Variants in G3BP2 observed in about 807,000 individuals in gnomAD.
The protein encoded by G3BP2 is G3BP stress granule assembly factor 2.
Under a neutral mutation model 56.7 loss-of-function variants are expected in G3BP2, and 11 were observed. That is an observed-to-expected ratio of 0.19 (90% CI 0.12 to 0.32). The LOEUF is 0.32. Among genes scored for constraint, G3BP2 ranks in the 10% least tolerant of loss-of-function variants. The pLI is 1.00. For synonymous variants in G3BP2, 165 were observed against 191.6 expected (o/e 0.86, Z 1.15); for missense variants, 340 against 610.9 (o/e 0.56, Z 4.67).
rs1056642044 is a variant in G3BP2, at chr4:75,648,703, T to C, written c.864A>G (p.Pro288=). The C allele has an allele frequency of 5.0e-6, 8 of 1,608,616 alleles. No homozygotes were observed. The highest frequency in any genetic ancestry group is 6.8e-6 in the Non-Finnish European group (8 of 1,175,854). The change falls in exon 9 of 12, where the codon CCA becomes CCG. Residue 288 remains proline (P), a synonymous_variant. Coordinates refer to ENST00000359707, the MANE Select transcript of G3BP2 (RefSeq NM_203505.3). ...TAGGTCGTTGTTCACGCACACGAGG[T>C]GGCTGAGATTGAACTTCTGGTTTAG... ...VEAKPEVQSQ[P]PRVREQRPRE...
chr4:75,646,103 C>A, intron 11 of G3BP2, among the ~76,000 whole-genome samples: 1 of 152,142 alleles, frequency 6.6e-6, no homozygotes, highest in East Asian at 1.9e-4. Flanking sequence ...GCCACTATAC[C>A]CAGCCAAAAT....
chr4:75,689,844 G>A (rs1718776577), intron 3 of G3BP2, among the ~76,000 whole-genome samples: 1 of 152,176 alleles, frequency 6.6e-6, no homozygotes. Flanking sequence ...AAAGACGCCA[G>A]ACACAAAAGA....
intron 3 of G3BP2, among the ~76,000 whole-genome samples, chr4:75,703,402 C>A (rs376528259): frequency 6.6e-6 from 1 of 152,196 alleles, no homozygotes; most frequent in Non-Finnish European, 1.5e-5. Flanking sequence ...ACACCACTTA[C>A]CCTTAGTCAC....
chr4:75,663,399 C>T (rs1018226901), intron 1 of G3BP2, among the ~76,000 whole-genome samples: 2 of 152,118 alleles, frequency 1.3e-5, no homozygotes, highest in African/African-American at 4.8e-5. Flanking sequence ...TCCTGAGTGG[C>T]TGGGACTATA....
chr4:75,714,489 G>A (rs140701661), intron 3 of G3BP2, among the ~76,000 whole-genome samples: 2,192 of 152,188 alleles, frequency 0.014, 49 homozygotes, highest in African/African-American at 0.05. Flanking sequence ...TTAACTGGGC[G>A]TGGTGGCGAG....
intron 3 of G3BP2, among the ~76,000 whole-genome samples, chr4:75,700,062 AT>A (rs1335932550): frequency 3.3e-5 from 5 of 150,940 alleles, no homozygotes; most frequent in South Asian, 2.1e-4. Context: ...TATGATATGA[AT>A]TTTTTTTTTG....
intron 1 of G3BP2, among the ~76,000 whole-genome samples, chr4:75,668,305 T>G (rs1465622823): frequency 3.3e-5 from 5 of 152,250 alleles, no homozygotes; most frequent in Non-Finnish European, 5.9e-5. Context: ...CCTCAAACTT[T>G]GACTAAAACG....
At chr4:75,662,228 T>G (rs1732621123) in intron 1 of G3BP2, 179 bp from the exon 2 acceptor site, 1 of 402,846 alleles carries the variant, frequency 2.5e-6, no homozygotes, top group Non-Finnish European at 4.5e-6. Context: ...ATAATTTTTT[T>G]TTTTTTTTTT....
chr4:75,693,627 A>C (rs983956178), intron 3 of G3BP2, among the ~76,000 whole-genome samples: 6 of 152,004 alleles, frequency 3.9e-5, no homozygotes, highest in African/African-American at 1.4e-4. Flanking sequence ...CATCTCTACT[A>C]AAAATACAAC....
intron 3 of G3BP2, among the ~76,000 whole-genome samples, chr4:75,682,198 C>T (rs1200170088): frequency 1.3e-5 from 2 of 152,068 alleles, no homozygotes; most frequent in African/African-American, 4.8e-5. Context: ...AGGCGGATCA[C>T]GAGGTCAAGA....
At chr4:75,701,363 G>A (rs567571251) in intron 3 of G3BP2, among the ~76,000 whole-genome samples, 5 of 151,634 alleles carry the variant, frequency 3.3e-5, no homozygotes, top group South Asian at 4.2e-4. Flanking sequence ...CACTATCTAA[G>A]CTCAATGCAA....
intron 3 of G3BP2, among the ~76,000 whole-genome samples, chr4:75,697,366 A>C (rs943534666): frequency 6.6e-6 from 1 of 151,092 alleles, no homozygotes; most frequent in East Asian, 2.0e-4. Flanking sequence ...GATTTATTTC[A>C]AAATAATAAT....
At chr4:75,645,804 T>TTC (rs1289453717) in intron 11 of G3BP2, 102 bp from the exon 12 acceptor site, 2 of 1,043,786 alleles carry the variant, frequency 1.9e-6, no homozygotes, top group Admixed American at 4.4e-5. Context: ...AATAAAACAC[T>TTC]TTTATCAGCC....
upstream of G3BP2, among the ~76,000 whole-genome samples, chr4:75,678,159 T>C (rs1037241080): frequency 3.3e-5 from 5 of 152,148 alleles, no homozygotes; most frequent in African/African-American, 9.6e-5. Flanking sequence ...GTTGTTGTTG[T>C]TGTTGTTGTT....
chr4:75,652,978 T>C (rs913751398), intron 8 of G3BP2, among the ~76,000 whole-genome samples: 3 of 152,194 alleles, frequency 2.0e-5, no homozygotes, highest in South Asian at 2.1e-4. Context: ...AAGTTATTTA[T>C]TGGGTCTTCA....
At position 75,681,838 on chromosome 4, in the gene G3BP2, G is replaced by A. The variant is rs377426635; in HGVS notation, c.-24-19789C>T. Reference sequence around the variant, plus strand: ...CACCCCAGTCTGGGCAACAGAGCAAGACTCCATCTCAAAAAAAAAAAAAAA... The same window carrying A: ...CACCCCAGTCTGGGCAACAGAGCAAAACTCCATCTCAAAAAAAAAAAAAAA... On this transcript the variant is annotated intron_variant, in intron 3 of 3. Transcript: ENST00000499709. 2.9e-5 allele frequency among the ~76,000 whole-genome samples: 4 copies of A among 137,012 alleles called. No individual in the cohort carries two copies. In the East Asian group the frequency reaches 8.2e-4, roughly 28 times the overall value. The allele number at this position is 137,012 out of a possible 152,430, so 89.9% of individuals were successfully genotyped here.
At chr4:75,674,712 ATATATATTTTTTTTTTTTT>A (rs1334064446), upstream of G3BP2, among the ~76,000 whole-genome samples, 2 of 50,012 alleles carry the variant, frequency 4.0e-5, no homozygotes, top group Admixed American at 2.3e-4. Flanking sequence ...ATATATATAT[ATATATATTTTTTTTTTTTT>A]TTTTTTTTTA....
intron 3 of G3BP2, among the ~76,000 whole-genome samples, chr4:75,703,987 T>C (rs1719443585): frequency 6.6e-6 from 1 of 151,738 alleles, no homozygotes; most frequent in Non-Finnish European, 1.5e-5. Context: ...GCAAAATGCA[T>C]AGTCCTCTGT....
At chr4:75,663,510 A>C (rs1226580457) in intron 1 of G3BP2, among the ~76,000 whole-genome samples, 2 of 152,150 alleles carry the variant, frequency 1.3e-5, no homozygotes, top group East Asian at 3.8e-4. Flanking sequence ...TCCTGGCCTC[A>C]AGTGATCCTC....
Sources: gnomAD v4.1 joint callset for allele counts (sites outside exome capture counted in the v4.1 genomes callset) on GRCh38, gnomAD v4.1.1 for gene constraint, MANE v1.5 for transcripts, NCBI Gene and HGNC (gene_info 2026-07-23, HGNC 2026-07-21) for gene names.